The following ERBB4 variants were observed in gnomAD, a reference collection of about 807,000 sequenced individuals.
ERBB4 encodes the protein erb-b2 receptor tyrosine kinase 4, also known as receptor tyrosine-protein kinase erbB-4.
In ERBB4, 42 loss-of-function variants were observed where a neutral mutation model predicts 158.0. The observed-to-expected ratio is 0.27, with a 90% confidence interval of 0.21 to 0.34. ERBB4 has a LOEUF of 0.34. ERBB4 is among the 10% of genes least tolerant of loss of function. The probability of loss-of-function intolerance (pLI) is 1.00; values close to 1 mark genes in which losing one functional copy is unlikely to be tolerated. For synonymous variants in ERBB4, 583 were observed against 558.7 expected (o/e 1.04, Z -0.61); for missense variants, 1,333 against 1,624.1 (o/e 0.82, Z 3.08).
intron 3 of ERBB4, among the ~76,000 whole-genome samples, chr2:211,829,453 C>T (rs2077172827): frequency 6.6e-6 from 1 of 152,100 alleles, no homozygotes; most frequent in African/African-American, 2.4e-5. Flanking sequence ...CATTGTGTGG[C>T]TTATTCACCC....
Position 211,624,091 on chromosome 2 carries a change from T to A in ERBB4, c.2080-47A>T, listed in dbSNP as rs370735193. On this transcript the variant is annotated intron_variant, in intron 17 of 27. Transcript: ENST00000342788. ...GTTATACTTTCAGTCCGATAGTCAG[T>A]CCTCTCTCTCTGTCTCTCTCTCTCT... is the stretch of plus-strand genomic sequence containing the variant. 43 of 1,612,008 alleles carry A rather than the reference T, an allele frequency of 2.7e-5. 1 individual carries two copies. In the Middle Eastern group the frequency reaches 6.6e-4, roughly 25 times the overall value.
At chr2:212,236,129 G>A (rs979029558) in intron 1 of ERBB4, among the ~76,000 whole-genome samples, 3 of 152,154 alleles carry the variant, frequency 2.0e-5, no homozygotes, top group Non-Finnish European at 4.4e-5. Context: ...TTATTATTTT[G>A]AGACACATTC....
chr2:211,710,991 C>T (rs772213196), intron 9 of ERBB4, among the ~76,000 whole-genome samples: 5 of 150,656 alleles, frequency 3.3e-5, no homozygotes, highest in Non-Finnish European at 4.4e-5. Flanking sequence ...GAATATGGGC[C>T]GACAATGACC....
rs531632410 is a variant in ERBB4 at position 211,518,782 on chromosome 2, T to C, written c.2487+43121A>G. ...ATGTCATAATATAAACTCTGAAACA[T>C]ACAAAATGGCCATAATTATTGAATG... On this transcript the variant is annotated intron_variant, in intron 20 of 27. Transcript: ENST00000342788. Among the ~76,000 whole-genome samples, 80 of 152,246 alleles carry C rather than the reference T, an allele frequency of 5.3e-4. 1 individual carries two copies. Among genetic ancestry groups the C allele is most frequent in the African/African-American group, 1.9e-3 (80 of 41,574 alleles).
Position 212,184,558 on chromosome 2 carries a change from C to T in ERBB4, c.83-59655G>A, listed in dbSNP as rs192098879. ...AGTACAGTCAAACACTTACATCTGG[C>T]CCTAGCACATTTTGGAGCATCTAGT... On this transcript the variant is annotated intron_variant, in intron 1 of 27. Coordinates refer to ENST00000342788, the MANE Select transcript of ERBB4 (RefSeq NM_005235.3). 5.3e-5 allele frequency among the ~76,000 whole-genome samples: 8 copies of T among 152,112 alleles called. No individual in the cohort carries two copies. The East Asian group carries it at 5.8e-4, about 11-fold the overall frequency.
intron 16 of ERBB4, among the ~76,000 whole-genome samples, chr2:211,651,107 G>A (rs922329374): frequency 2.6e-5 from 4 of 152,136 alleles, no homozygotes; most frequent in Non-Finnish European, 5.9e-5. Context: ...AATGCAGCAT[G>A]AGCACCTGGA....
intron 1 of ERBB4, among the ~76,000 whole-genome samples, chr2:212,145,374 TAG>T (rs980970642): frequency 6.6e-6 from 1 of 152,122 alleles, no homozygotes; most frequent in African/African-American, 2.4e-5. Flanking sequence ...CCCCAATGAC[TAG>T]TATTTTGGTA....
At chr2:212,095,903 C>A (rs1452417239) in intron 2 of ERBB4, among the ~76,000 whole-genome samples, 1 of 147,578 alleles carries the variant, frequency 6.8e-6, no homozygotes, top group African/African-American at 2.5e-5. Flanking sequence ...CTACTGCACT[C>A]CAGCCTGGGC....
chr2:211,566,585 T>C (rs953819621), intron 19 of ERBB4, among the ~76,000 whole-genome samples: 1 of 152,198 alleles, frequency 6.6e-6, no homozygotes, highest in Admixed American at 6.5e-5. Context: ...ATGAAAATGT[T>C]AGCCAACTTA....
chr2:212,179,431 G>T (rs1208473649), intron 1 of ERBB4, among the ~76,000 whole-genome samples: 2 of 151,068 alleles, frequency 1.3e-5, no homozygotes, highest in Non-Finnish European at 3.0e-5. Context: ...TTTAAGAATG[G>T]TATATTCTAA....
intron 20 of ERBB4, among the ~76,000 whole-genome samples, chr2:211,524,193 C>T (rs986475297): frequency 6.6e-6 from 1 of 151,036 alleles, no homozygotes; most frequent in African/African-American, 2.4e-5. Flanking sequence ...TACAGAGTGT[C>T]GATTGGTGCA....
At chr2:211,628,996 T>C (rs1008978028) in intron 17 of ERBB4, among the ~76,000 whole-genome samples, 3 of 152,242 alleles carry the variant, frequency 2.0e-5, no homozygotes, top group African/African-American at 7.2e-5. Context: ...TCATATACTT[T>C]GCACACTTTT....
At chr2:211,616,735 G>A (rs1017967893) in intron 19 of ERBB4, among the ~76,000 whole-genome samples, 6 of 152,240 alleles carry the variant, frequency 3.9e-5, no homozygotes, top group South Asian at 2.1e-4. Context: ...AAGAAGTCTC[G>A]AAAATAGTAG....
intron 2 of ERBB4, among the ~76,000 whole-genome samples, chr2:212,018,278 G>A (rs559440139): frequency 6.6e-6 from 1 of 152,080 alleles, no homozygotes; most frequent in Admixed American, 6.6e-5. Context: ...TCACCTTTAG[G>A]TTTAACCTGA....
At chr2:212,113,092 A>C (rs1436954952) in intron 2 of ERBB4, among the ~76,000 whole-genome samples, 2 of 152,122 alleles carry the variant, frequency 1.3e-5, no homozygotes, top group Non-Finnish European at 2.9e-5. Context: ...GCTTGTCTTG[A>C]TGGTAAGGGT....
At chr2:212,242,108 C>A (rs2106018095) in intron 1 of ERBB4, among the ~76,000 whole-genome samples, 1 of 151,986 alleles carries the variant, frequency 6.6e-6, no homozygotes, top group East Asian at 1.9e-4. Flanking sequence ...AAACCTCAAT[C>A]TCAACATAAC....
At chr2:211,550,334 C>T (rs1306490696) in intron 20 of ERBB4, among the ~76,000 whole-genome samples, 2 of 151,756 alleles carry the variant, frequency 1.3e-5, no homozygotes, top group Non-Finnish European at 2.9e-5. Context: ...CTGATAGCCA[C>T]CACTCTACTC....
At chr2:211,952,358 C>T (rs1286753682) in intron 2 of ERBB4, among the ~76,000 whole-genome samples, 1 of 151,880 alleles carries the variant, frequency 6.6e-6, no homozygotes, top group Non-Finnish European at 1.5e-5. Flanking sequence ...GAGTAAATAA[C>T]GTGGTTTGAG....
At chr2:211,570,459 C>A (rs2125742970) in intron 19 of ERBB4, among the ~76,000 whole-genome samples, 1 of 151,758 alleles carries the variant, frequency 6.6e-6, no homozygotes, top group South Asian at 2.1e-4. Context: ...AGCCACCATG[C>A]CAGGCCTCTT....
Sources: gnomAD v4.1 joint callset for allele counts (sites outside exome capture counted in the v4.1 genomes callset) on GRCh38, gnomAD v4.1.1 for gene constraint, MANE v1.5 for transcripts, NCBI Gene and HGNC (gene_info 2026-07-23, HGNC 2026-07-21) for gene names.